Variants in HECTD4 observed in about 807,000 individuals in gnomAD.
The protein encoded by HECTD4 is probable E3 ubiquitin-protein ligase HECTD4.
HECTD4 carries 114 observed loss-of-function variants against 471.5 expected under a neutral mutation model. The observed-to-expected ratio is 0.24, with a 90% CI of 0.21 to 0.28. HECTD4 has a LOEUF of 0.28. HECTD4 is among the 10% of genes least tolerant of loss of function. The probability of loss-of-function intolerance (pLI) is 1.00; values close to 1 mark genes in which losing one functional copy is unlikely to be tolerated. For synonymous variants in HECTD4, 2,012 were observed against 2,256.0 expected (o/e 0.89, Z 3.07); for missense variants, 3,866 against 5,651.5 (o/e 0.68, Z 10.13).
At chr12:112,376,357 C>G (rs929070682) in intron 1 of HECTD4, among the ~76,000 whole-genome samples, 4 of 152,086 alleles carry the variant, frequency 2.6e-5, no homozygotes, top group African/African-American at 9.7e-5. Flanking sequence ...CGCCATTCTC[C>G]TGCCTCAGCC....
intron 35 of HECTD4, among the ~76,000 whole-genome samples, chr12:112,236,087 GT>G (rs1462484884): frequency 5.3e-5 from 8 of 152,128 alleles, no homozygotes; most frequent in African/African-American, 1.9e-4. Flanking sequence ...GAGCTTTTCA[GT>G]TTGTCATTTA....
intron 54 of HECTD4, chr12:112,201,270 T>C: frequency 3.3e-6 from 1 of 301,202 alleles, no homozygotes. Context: ...TTTTGTATTT[T>C]TAGTGGAGGT....
chr12:112,361,720 C>T (rs192094493), intron 1 of HECTD4, among the ~76,000 whole-genome samples: 56 of 152,270 alleles, frequency 3.7e-4, no homozygotes, highest in African/African-American at 1.3e-3. Context: ...TAAGGATCCC[C>T]TGAAGGACCC....
intron 69 of HECTD4, 43 bp from the exon 70 acceptor site, chr12:112,169,701 GC>G (rs779731144): frequency 6.2e-7 from 1 of 1,607,932 alleles, no homozygotes; most frequent in South Asian, 1.1e-5. Flanking sequence ...CGCCGTGGCC[GC>G]CCTCTCCCCT....
chr12:112,221,248 C>CATTTT (rs1318064593), intron 44 of HECTD4, among the ~76,000 whole-genome samples: 2 of 152,006 alleles, frequency 1.3e-5, no homozygotes, highest in Admixed American at 6.5e-5. Flanking sequence ...ATTTCAGGAG[C>CATTTT]ATTTTATTTT....
At chr12:112,257,746 G>T (rs921895563) in intron 20 of HECTD4, among the ~76,000 whole-genome samples, 2 of 152,172 alleles carry the variant, frequency 1.3e-5, no homozygotes. Flanking sequence ...ACTGATGGAC[G>T]TTTATGTTGT....
chr12:112,251,258 G>T, intron 23 of HECTD4, 124 bp from the exon 24 acceptor site: 2 of 855,172 alleles, frequency 2.3e-6, no homozygotes, highest in Non-Finnish European at 3.5e-6. Flanking sequence ...GAGTATCACT[G>T]CTAGGGGACA....
At chr12:112,189,963 G>C (rs1179799301) in intron 60 of HECTD4, among the ~76,000 whole-genome samples, 1 of 152,172 alleles carries the variant, frequency 6.6e-6, no homozygotes, top group African/African-American at 2.4e-5. Flanking sequence ...ATGTTGGTCA[G>C]GCTGGTCTCC....
At chr12:112,309,416 T>C (rs183151906) in intron 5 of HECTD4, 145 bp downstream of exon 5, 273 of 499,252 alleles carry the variant, frequency 5.5e-4, no homozygotes, top group Admixed American at 1.4e-3. Context: ...TAAGAGAAGA[T>C]TGGAATTATT....
chr12:112,176,004 A>T, intron 65 of HECTD4, 145 bp from the exon 66 acceptor site: 1 of 1,140,478 alleles, frequency 8.8e-7, no homozygotes, highest in Non-Finnish European at 1.2e-6. Context: ...GGGAATTGTC[A>T]TTTGCCATTG....
Position 112,235,462 on chromosome 12 carries a change from T to A in HECTD4, c.5725+42A>T. 1 of 1,562,354 alleles carries A rather than the reference T, an allele frequency of 6.4e-7. No individual in the cohort carries two copies. The highest frequency in any genetic ancestry group is 8.7e-7 in the Non-Finnish European group (1 of 1,154,792). Reference sequence around the variant, plus strand: ...AGGGGGACCTGACTGGGCACAGGAATGCTGCACTGCCATGCTACTCTCCTG... The same window carrying A: ...AGGGGGACCTGACTGGGCACAGGAAAGCTGCACTGCCATGCTACTCTCCTG... On this transcript the variant is annotated intron_variant, in intron 36 of 75. Coordinates refer to ENST00000682272, the MANE Select transcript of HECTD4 (RefSeq NM_001388303.1). The surrounding 1 kb of genome is among the most constrained non-coding windows in gnomAD (Gnocchi z 5.0).
At position 112,235,238 on chromosome 12, in the gene HECTD4, A is replaced by G; in HGVS notation, c.5754T>C (p.Ala1918=). 3.1e-6 allele frequency: 5 copies of G among 1,613,958 alleles called. No individual in the cohort carries two copies. Among genetic ancestry groups the G allele is most frequent in the Non-Finnish European group, 4.2e-6 (5 of 1,179,872 alleles). ...PGCQTVLSPT[A]SEPDTTLTKT... ...TTGTCAATGTGGTGTCAGGTTCAGA[A>G]GCGGTTGGAGAAAGAACTGTCTGAC... Residue 1918 remains alanine (A), a synonymous_variant, in exon 37 of 76, where the codon GCT becomes GCC. Coordinates refer to ENST00000682272, the MANE Select transcript of HECTD4 (RefSeq NM_001388303.1). This position sits in a 1 kb window ranked among gnomAD's most constrained non-coding sequence, Gnocchi z 5.0.
chr12:112,329,360 TG>T (rs2035803361), intron 1 of HECTD4, among the ~76,000 whole-genome samples: 1 of 143,780 alleles, frequency 7.0e-6, no homozygotes, highest in African/African-American at 2.7e-5. Context: ...TGATTTGTTT[TG>T]GGTTTTTTGT....
intron 1 of HECTD4, among the ~76,000 whole-genome samples, chr12:112,325,604 T>C (rs1286532976): frequency 6.6e-6 from 1 of 152,160 alleles, no homozygotes; most frequent in Non-Finnish European, 1.5e-5. Flanking sequence ...TTGACCAAAA[T>C]GTCATTAGAA....
intron 45 of HECTD4, 61 bp from the exon 46 acceptor site, chr12:112,217,256 CAAA>C (rs951415481): frequency 1.4e-4 from 190 of 1,389,154 alleles, no homozygotes; most frequent in Non-Finnish European, 1.6e-4. Context: ...TTTACTCTCT[CAAA>C]GAAGAAAAAA....
intron 3 of HECTD4, among the ~76,000 whole-genome samples, 175 bp from the exon 4 acceptor site, chr12:112,313,322 C>CT (rs1056905949): frequency 1.4e-3 from 212 of 147,548 alleles, no homozygotes; most frequent in African/African-American, 3.8e-3. Context: ...ATTTATGTTT[C>CT]TTTTTTTTTT....
rs143089093 is a variant in HECTD4, at chr12:112,316,092, A to G, written c.696-1546T>C. 8.5e-5 allele frequency among the ~76,000 whole-genome samples: 13 copies of G among 152,088 alleles called. No homozygotes were observed. In the East Asian group the frequency reaches 2.1e-3, roughly 25 times the overall value. ...GTCCTTCCATGGCTCACAAACCCCT[A>G]TGTGATCTGGGCCCTGCCAACTTCA... On this transcript the variant is annotated intron_variant, in intron 2 of 75. Coordinates refer to ENST00000682272, the MANE Select transcript of HECTD4 (RefSeq NM_001388303.1).
intron 1 of HECTD4, among the ~76,000 whole-genome samples, chr12:112,369,687 T>C (rs2036632170): frequency 6.6e-6 from 1 of 151,892 alleles, no homozygotes; most frequent in African/African-American, 2.4e-5. Context: ...TCTGAGAGGG[T>C]GTGCGGAAAA....
At position 112,269,764 on chromosome 12, in the gene HECTD4, A is replaced by G; in HGVS notation, c.2261T>C (p.Leu754Ser). Residue 754 changes from leucine (L) to serine (S), a missense_variant, in exon 13 of 76, where the codon TTG (leucine) becomes TCG (serine). This residue lies in a region of HECTD4 where 525 missense variants were observed against 672.6 expected (regional missense o/e 0.78). Coordinates refer to ENST00000682272, the MANE Select transcript of HECTD4 (RefSeq NM_001388303.1). ...GCAAATTTGATCTTTTGGAGCCATCAACAACTGCCAAAGAAGCAATCCCGA... is the reference window on the plus strand; with the variant it reads ...GCAAATTTGATCTTTTGGAGCCATCGACAACTGCCAAAGAAGCAATCCCGA... Reference protein sequence around the residue: ...RRSGLLLWQLLMAPKDQICPE... With the variant: ...RRSGLLLWQLSMAPKDQICPE... 6.2e-7 allele frequency: 1 copy of G among 1,614,032 alleles called. No homozygotes were observed. The highest frequency in any genetic ancestry group is 1.3e-5 in the African/African-American group (1 of 75,082).
Sources: allele counts gnomAD v4.1 joint callset (sites outside exome capture counted in the v4.1 genomes callset), GRCh38; gene constraint gnomAD v4.1.1; regional missense constraint gnomAD v4.1.1; non-coding constraint Gnocchi (gnomAD v3.1); transcripts MANE v1.5; gene names NCBI Gene and HGNC (gene_info 2026-07-23, HGNC 2026-07-21).